RGPD4: variants seen among roughly 807,000 people sequenced by gnomAD.
RGPD4 encodes RANBP2 like and GRIP domain containing 4.
A neutral mutation model predicts 141.1 loss-of-function variants in RGPD4; 84 were observed. That is an observed-to-expected ratio of 0.60 (90% CI 0.50 to 0.71). The LOEUF is 0.71. Ranked by LOEUF, RGPD4 falls within the 30% of genes least tolerant of loss-of-function variation. RGPD4 has a pLI of 0.00. For missense variants in RGPD4, 918 were observed against 1,622.4 expected, an observed-to-expected ratio of 0.57 and a Z score of 7.46; for synonymous variants, 298 against 566.8, an observed-to-expected ratio of 0.53 and a Z score of 6.74.
chr2:107,890,783 C>A lies in RGPD4; in HGVS notation c.*52C>A. 1.9e-6 allele frequency: 3 copies of A among 1,597,526 alleles called. No homozygotes were observed. Among genetic ancestry groups the A allele is most frequent in the Non-Finnish European group, 2.6e-6 (3 of 1,172,404 alleles). On this transcript the variant is annotated 3_prime_UTR_variant, in exon 23 of 23. Coordinates refer to ENST00000408999, the MANE Select transcript of RGPD4 (RefSeq NM_182588.3). ...ATCCTATCTTCGTAGTTGGTTTGGA[C>A]TTCGATAGGTTGATGGAAGGAATAT...
chr2:107,832,634 A>G (rs1472642610), intron 1 of RGPD4, among the ~76,000 whole-genome samples: 3 of 127,260 alleles, frequency 2.4e-5, no homozygotes, highest in Admixed American at 7.6e-5. Context: ...TAGAGATGGG[A>G]TTTCACCATA....
intron 18 of RGPD4, among the ~76,000 whole-genome samples, chr2:107,867,274 T>C (rs546023329): frequency 5.8e-4 from 88 of 152,114 alleles, no homozygotes; most frequent in South Asian, 1.0e-3. Context: ...GCCCTTTTTT[T>C]TCTCTCTCTC....
chr2:107,872,693 T>A lies in RGPD4; in HGVS notation c.4689T>A (p.Ser1563Arg), dbSNP rs1394683982. The change falls in exon 20 of 23, where the codon AGT becomes AGA. Residue 1563 changes from serine to arginine, a missense_variant. Physicochemically the swap from Ser to Arg is moderately radical, Grantham distance 110. Coordinates refer to ENST00000408999, the MANE Select transcript of RGPD4 (RefSeq NM_182588.3). ...CAAAACCATTTGCATTTGGCAACAG[T>A]TCTGCCACTGGGTCTTTGTTTGGAT... ...EKSKPFAFGN[S>R]SATGSLFGFS... The A allele has an allele frequency of 6.2e-7, 1 of 1,611,426 alleles. No homozygotes were observed. The highest frequency in any genetic ancestry group is 1.3e-5 in the African/African-American group (1 of 74,484).
At chr2:107,888,965 G>T (rs1317578411) in intron 22 of RGPD4, among the ~76,000 whole-genome samples, 5 of 132,148 alleles carry the variant, frequency 3.8e-5, no homozygotes. Context: ...ATGTGTTAAG[G>T]TACTAAGTTT....
At chr2:107,858,438 C>A (rs1026527581) in intron 9 of RGPD4, among the ~76,000 whole-genome samples, 2 of 151,250 alleles carry the variant, frequency 1.3e-5, no homozygotes, top group Admixed American at 1.3e-4. Flanking sequence ...CTTTTCTTTT[C>A]TTTTCTTTTC....
intron 7 of RGPD4, among the ~76,000 whole-genome samples, chr2:107,853,989 TC>T (rs1682207100): frequency 7.0e-6 from 1 of 141,866 alleles, no homozygotes; most frequent in Non-Finnish European, 1.5e-5. Flanking sequence ...GCTCAAGTGA[TC>T]CCCCCACCTT....
chr2:107,881,860 C>CAA (rs1675375724), intron 21 of RGPD4, among the ~76,000 whole-genome samples: 1 of 151,456 alleles, frequency 6.6e-6, no homozygotes, highest in African/African-American at 2.4e-5. Flanking sequence ...TTTACATTGT[C>CAA]TTATATTCCT....
At chr2:107,852,287 T>C (rs1324450784) in intron 7 of RGPD4, among the ~76,000 whole-genome samples, 2 of 151,432 alleles carry the variant, frequency 1.3e-5, no homozygotes, top group African/African-American at 4.9e-5. Flanking sequence ...ATTGAGATGA[T>C]TTGATTGAGT....
intron 1 of RGPD4, among the ~76,000 whole-genome samples, chr2:107,829,705 G>T (rs1156520564): frequency 6.6e-6 from 1 of 152,152 alleles, no homozygotes; most frequent in East Asian, 1.9e-4. Flanking sequence ...GCGGGCGGGA[G>T]ACCTTTGGCG....
chr2:107,856,128 A>C (rs1682300537), intron 8 of RGPD4, among the ~76,000 whole-genome samples: 1 of 119,060 alleles, frequency 8.4e-6, no homozygotes, highest in Admixed American at 8.9e-5. Flanking sequence ...ATCTCGGCTC[A>C]CTGCAAGCTC....
intron 22 of RGPD4, among the ~76,000 whole-genome samples, chr2:107,884,858 G>A (rs1050542475): frequency 6.6e-6 from 1 of 152,102 alleles, no homozygotes; most frequent in Non-Finnish European, 1.5e-5. Context: ...GCAATTTGTT[G>A]CTGATACTTC....
rs765922968 is a variant in RGPD4 at position 107,871,333 on chromosome 2, C to T, written c.3329C>T (p.Ala1110Val). Residue 1110 changes from alanine (A) to valine (V), a missense_variant, in exon 20 of 23, where the codon GCT (alanine) becomes GTT (valine). Physicochemically the swap from Ala to Val is moderately conservative, Grantham distance 64. Coordinates refer to ENST00000408999, the MANE Select transcript of RGPD4 (RefSeq NM_182588.3). Reference sequence around the variant, plus strand: ...AGAGAACAAGTACTAAAAGTGTGTGCTAATCATTGGATAACGACTACAATG... The same window carrying T: ...AGAGAACAAGTACTAAAAGTGTGTGTTAATCATTGGATAACGACTACAATG... ...MRREQVLKVC[A>V]NHWITTTMNL... 13 of 1,597,622 alleles carry T rather than the reference C, an allele frequency of 8.1e-6. No homozygotes were observed. The highest frequency in any genetic ancestry group is 1.7e-5 in the Admixed American group (1 of 58,406).
At chr2:107,846,549 C>A (rs1573479796) in intron 6 of RGPD4, among the ~76,000 whole-genome samples, 1 of 150,648 alleles carries the variant, frequency 6.6e-6, no homozygotes, top group East Asian at 2.0e-4. Context: ...TCACTGCAAC[C>A]TCTGCTTCCC....
chr2:107,883,538 G>C (rs1349551600), intron 22 of RGPD4, among the ~76,000 whole-genome samples: 1 of 148,992 alleles, frequency 6.7e-6, no homozygotes, highest in Non-Finnish European at 1.5e-5. Context: ...GCTGAGGCAG[G>C]AGAGTCACTT....
intron 7 of RGPD4, among the ~76,000 whole-genome samples, chr2:107,853,981 T>C (rs1315394373): frequency 2.3e-4 from 33 of 143,332 alleles, no homozygotes; most frequent in Non-Finnish European, 3.6e-4. Context: ...AACTCTGGGC[T>C]CAAGTGATCC....
intron 1 of RGPD4, among the ~76,000 whole-genome samples, chr2:107,827,837 C>G (rs192345048): frequency 1.5e-4 from 3 of 20,094 alleles, no homozygotes; most frequent in East Asian, 1.0e-3. Context: ...AGGCGTCATG[C>G]CTCCCGACCG....
rs1309058620 is a variant in RGPD4 at position 107,882,847 on chromosome 2, A to G, written c.5240A>G (p.Lys1747Arg). Residue 1747 changes from lysine to arginine, a missense_variant, in exon 22 of 23, where the codon AAG (lysine) becomes AGG (arginine). Coordinates refer to ENST00000408999, the MANE Select transcript of RGPD4 (RefSeq NM_182588.3). ...ATGTTGCAGCTCAGCCCTGAAGAAA[A>G]GGGAAAACTTGCTGCGGTTGCTCAA... Reference protein sequence around the residue: ...NTMLQLSPEEKGKLAAVAQGE... With the variant: ...NTMLQLSPEERGKLAAVAQGE... 1 of 1,609,560 alleles carries G rather than the reference A, an allele frequency of 6.2e-7. No individual in the cohort carries two copies. The highest frequency in any genetic ancestry group is 1.7e-5 in the Admixed American group (1 of 59,866).
At chr2:107,827,596 T>A (rs866803898) in intron 1 of RGPD4, among the ~76,000 whole-genome samples, 4 of 40,310 alleles carry the variant, frequency 9.9e-5, no homozygotes, top group East Asian at 5.3e-4. Context: ...GGCCTCGACC[T>A]GGCCCGGCGG....
Position 107,826,898 on chromosome 2 carries a change from G to A in RGPD4, c.-116G>A, listed in dbSNP as rs1426577714. ...CGCAGGACACAAGTTCGTCACAGTGGTCCTCCGCCGGCTACGCGGAGTCAG... is the reference window on the plus strand; with the variant it reads ...CGCAGGACACAAGTTCGTCACAGTGATCCTCCGCCGGCTACGCGGAGTCAG... On this transcript the variant is annotated 5_prime_UTR_variant, in exon 1 of 23. Coordinates refer to ENST00000408999, the MANE Select transcript of RGPD4 (RefSeq NM_182588.3). The A allele has an allele frequency of 6.5e-7, 1 of 1,541,702 alleles. No homozygotes were observed. Among genetic ancestry groups the A allele is most frequent in the Non-Finnish European group, 8.7e-7 (1 of 1,142,894 alleles).
Sources: gnomAD v4.1 joint callset for allele counts (sites outside exome capture counted in the v4.1 genomes callset) on GRCh38, gnomAD v4.1.1 for gene constraint, MANE v1.5 for transcripts, NCBI Gene and HGNC (gene_info 2026-07-23, HGNC 2026-07-21) for gene names.